Variants in TRANK1 observed in about 807,000 individuals in gnomAD.
TRANK1 encodes TPR and ankyrin repeat-containing protein 1.
TRANK1 carries 198 observed loss-of-function variants against 266.0 expected under a neutral mutation model. The ratio of observed to expected loss-of-function variants is 0.74; its 90% CI spans 0.66 to 0.84. The LOEUF is 0.84. Among genes scored for constraint, TRANK1 ranks in the 40% least tolerant of loss-of-function variants. TRANK1 has a pLI of 0.00. For missense variants in TRANK1, 3,326 were observed against 3,634.6 expected, an observed-to-expected ratio of 0.92 and a Z score of 2.18; for synonymous variants, 1,396 against 1,384.1, an observed-to-expected ratio of 1.01 and a Z score of -0.19.
chr3:36,845,620 T>A (rs929604045), intron 17 of TRANK1, among the ~76,000 whole-genome samples: 1 of 152,236 alleles, frequency 6.6e-6, no homozygotes, highest in African/African-American at 2.4e-5. Flanking sequence ...ATAAATTATA[T>A]CATTCTACCC....
At chr3:36,851,507 C>G (rs2078983889) in intron 15 of TRANK1, 1 of 1,249,778 alleles carries the variant, frequency 8.0e-7, no homozygotes, top group Non-Finnish European at 1.0e-6. Context: ...ACAGGGGGAA[C>G]TAGCCCATGA....
At chr3:36,865,024 G>GT (rs34540496) in intron 9 of TRANK1, among the ~76,000 whole-genome samples, 10,229 of 119,716 alleles carry the variant, frequency 0.085, 1,320 homozygotes, top group African/African-American at 0.25. Flanking sequence ...TGTTTTTTTG[G>GT]TTTTTTTTTT....
chr3:36,914,278 C>G (rs9812926), intron 1 of TRANK1, among the ~76,000 whole-genome samples: 5,015 of 151,860 alleles, frequency 0.033, 264 homozygotes, highest in African/African-American at 0.11. Flanking sequence ...GGATTACAGG[C>G]GCACGCCACC....
At chr3:36,835,304 G>C (rs1257740724) in intron 20 of TRANK1, among the ~76,000 whole-genome samples, 1 of 106,624 alleles carries the variant, frequency 9.4e-6, no homozygotes, top group Non-Finnish European at 1.7e-5. Flanking sequence ...GGGCGACAGA[G>C]CGAGACTCCG....
intron 1 of TRANK1, among the ~76,000 whole-genome samples, chr3:36,921,298 T>A (rs2080209840): frequency 6.6e-6 from 1 of 152,190 alleles, no homozygotes; most frequent in African/African-American, 2.4e-5. Context: ...GGAATAAGAA[T>A]CCCTTCCCCT....
intron 1 of TRANK1, among the ~76,000 whole-genome samples, chr3:36,926,279 A>T (rs541196476): frequency 6.6e-6 from 1 of 152,026 alleles, no homozygotes; most frequent in African/African-American, 2.4e-5. Context: ...GCAGGCATCC[A>T]CTCTACTCAG....
Position 36,832,456 on chromosome 3 carries a change from C to G in TRANK1, c.7127G>C (p.Arg2376Thr). The change falls in exon 22 of 24, where the codon AGA becomes ACA. Residue 2376 changes from arginine to threonine, a missense_variant. By Grantham distance (71) the Arg-to-Thr change is moderately conservative. Transcript: ENST00000645898. ...ESEKDERGRG[R>T]GSRIKGIEGK... Reference sequence around the variant, plus strand: ...TTCTATTCCTTTTATCCTGCTGCCTCTCCCCCTGCCCCTTTCATCCTTTTC... The same window carrying G: ...TTCTATTCCTTTTATCCTGCTGCCTGTCCCCCTGCCCCTTTCATCCTTTTC... The G allele has an allele frequency of 6.2e-7, 1 of 1,613,992 alleles. No homozygotes were observed. The highest frequency in any genetic ancestry group is 8.5e-7 in the Non-Finnish European group (1 of 1,179,886).
chr3:36,859,995 G>A (rs978166767), intron 11 of TRANK1, among the ~76,000 whole-genome samples: 1 of 152,046 alleles, frequency 6.6e-6, no homozygotes. Flanking sequence ...GTGTGTTACT[G>A]TTATATCTTA....
In TRANK1 at chr3:36,845,097, G is replaced by A. The variant is rs116238311; in HGVS notation, c.5191+1151C>T. Reference sequence around the variant, plus strand: ...GCAAATAGCACAGAGGTAAGAAGGTGAAAAGTAAAAAGTGTCCATATCTAC... The same window carrying A: ...GCAAATAGCACAGAGGTAAGAAGGTAAAAAGTAAAAAGTGTCCATATCTAC... On this transcript the variant is annotated intron_variant, in intron 17 of 23. Coordinates refer to ENST00000645898, the MANE Select transcript of TRANK1 (RefSeq NM_001329998.2). 2.2e-3 allele frequency among the ~76,000 whole-genome samples: 332 copies of A among 152,092 alleles called. 2 individuals are homozygous for A. Among genetic ancestry groups the A allele is most frequent in the African/African-American group, 7.3e-3 (304 of 41,498 alleles).
intron 4 of TRANK1, among the ~76,000 whole-genome samples, chr3:36,896,159 T>C (rs1358796569): frequency 2.6e-5 from 4 of 152,218 alleles, no homozygotes; most frequent in African/African-American, 9.6e-5. Flanking sequence ...CCCAAAACAT[T>C]AGAAACTATG....
At chr3:36,880,067 AACATGCAAATATATATAAAC>A (rs1224768432) in intron 8 of TRANK1, 15 of 67,266 alleles carry the variant, frequency 2.2e-4, no homozygotes, top group Non-Finnish European at 4.0e-4. Flanking sequence ...AATATATGTA[AACATGCAAATATATATAAAC>A]ATATATAAAT....
intron 8 of TRANK1, among the ~76,000 whole-genome samples, chr3:36,882,690 A>G (rs2079548264): frequency 6.6e-6 from 1 of 152,108 alleles, no homozygotes; most frequent in Admixed American, 6.5e-5. Flanking sequence ...AAAAACAACA[A>G]AGTCAGAAGA....
Position 36,869,754 on chromosome 3 carries a change from T to A in TRANK1, c.1078+4372A>T, listed in dbSNP as rs114199591. On this transcript the variant is annotated intron_variant, in intron 9 of 23. Coordinates refer to ENST00000645898, the MANE Select transcript of TRANK1 (RefSeq NM_001329998.2). ...TCCCATACATGGCCACTAACTTACATAAAATTACAGTTAATTAAATAAAAT... is the reference window on the plus strand; with the variant it reads ...TCCCATACATGGCCACTAACTTACAAAAAATTACAGTTAATTAAATAAAAT... Among the ~76,000 whole-genome samples, 1,438 of 152,358 alleles carry A rather than the reference T, an allele frequency of 9.4e-3. 24 individuals are homozygous for A. The highest frequency in any genetic ancestry group is 0.033 in the African/African-American group (1,369 of 41,584).
chr3:36,855,097 T>C (rs2079033191), intron 13 of TRANK1, 76 bp downstream of exon 13: 5 of 1,308,822 alleles, frequency 3.8e-6, no homozygotes. Flanking sequence ...TAACAAGAGC[T>C]AGTCTGCAGC....
chr3:36,852,775 TA>T (rs761417309), intron 13 of TRANK1, among the ~76,000 whole-genome samples: 141 of 120,198 alleles, frequency 1.2e-3, no homozygotes, highest in Middle Eastern at 4.7e-3. Context: ...CCATCTCAAT[TA>T]AAAAAAAAAA....
In TRANK1 at chr3:36,899,678, T is replaced by C. The variant is rs2079846686; in HGVS notation, c.283-419A>G. 2.6e-5 allele frequency among the ~76,000 whole-genome samples: 4 copies of C among 152,190 alleles called. No individual in the cohort carries two copies. The South Asian group carries it at 8.3e-4, about 32-fold the overall frequency. On this transcript the variant is annotated intron_variant, in intron 3 of 23. Coordinates refer to ENST00000645898, the MANE Select transcript of TRANK1 (RefSeq NM_001329998.2). ...TGTCTTACTTCTATGTAAACATGGA[T>C]TTCTAACCAACACTGGATACAGGGT... is the stretch of plus-strand genomic sequence containing the variant.
chr3:36,875,514 A>T (rs1418111852), intron 8 of TRANK1, among the ~76,000 whole-genome samples: 4 of 152,246 alleles, frequency 2.6e-5, no homozygotes, highest in Non-Finnish European at 5.9e-5. Flanking sequence ...AGCCAAAGCC[A>T]ACACCTTCAG....
chr3:36,879,027 T>C (rs1194839357), intron 8 of TRANK1, among the ~76,000 whole-genome samples: 2 of 152,110 alleles, frequency 1.3e-5, no homozygotes, highest in African/African-American at 2.4e-5. Flanking sequence ...ATCATTTATT[T>C]CACTTGATAC....
intron 1 of TRANK1, among the ~76,000 whole-genome samples, chr3:36,926,130 G>T (rs577505500): frequency 6.6e-6 from 1 of 152,118 alleles, no homozygotes; most frequent in South Asian, 2.1e-4. Context: ...GGTACTTTGC[G>T]TTTAACTGTT....
Sources: gnomAD v4.1 joint callset for allele counts (sites outside exome capture counted in the v4.1 genomes callset) on GRCh38, gnomAD v4.1.1 for gene constraint, MANE v1.5 for transcripts, NCBI Gene and HGNC (gene_info 2026-07-23, HGNC 2026-07-21) for gene names.